Variants in ESRRB observed in about 807,000 individuals in gnomAD.
The protein encoded by ESRRB is steroid hormone receptor ERR2.
A neutral mutation model predicts 46.0 loss-of-function variants in ESRRB; 16 were observed. The ratio of observed to expected loss-of-function variants is 0.35; its 90% CI spans 0.24 to 0.53. The LOEUF is 0.53. Ranked by LOEUF, ESRRB falls within the 20% of genes least tolerant of loss-of-function variation. The pLI is 0.93. For missense variants in ESRRB, 488 were observed against 607.4 expected, an observed-to-expected ratio of 0.80 and a Z score of 2.07; for synonymous variants, 246 against 259.6, an observed-to-expected ratio of 0.95 and a Z score of 0.50.
At chr14:76,453,918 T>C (rs182517818) in intron 2 of ESRRB, among the ~76,000 whole-genome samples, 1 of 152,298 alleles carries the variant, frequency 6.6e-6, no homozygotes, top group East Asian at 1.9e-4. Flanking sequence ...GATTCTTTTT[T>C]CTTTCTTGAC....
At chr14:76,354,974 T>C (rs1884362270) in intron 1 of ESRRB, among the ~76,000 whole-genome samples, 1 of 151,942 alleles carries the variant, frequency 6.6e-6, no homozygotes, top group African/African-American at 2.4e-5. Context: ...GCCTCCCAGA[T>C]TGCTGGGATT....
intron 1 of ESRRB, among the ~76,000 whole-genome samples, chr14:76,404,862 A>G (rs1886108532): frequency 6.6e-6 from 1 of 152,118 alleles, no homozygotes; most frequent in Non-Finnish European, 1.5e-5. Flanking sequence ...AACTATCTCT[A>G]ATGGTCATTC....
intron 3 of ESRRB, among the ~76,000 whole-genome samples, chr14:76,468,398 C>A (rs899657434): frequency 0.01 from 1,102 of 109,446 alleles, 10 homozygotes; most frequent in Middle Eastern, 0.03. Flanking sequence ...CTGCCCCCCC[C>A]CCAACACCAC....
intron 2 of ESRRB, among the ~76,000 whole-genome samples, chr14:76,442,053 A>C (rs950060847): frequency 6.6e-6 from 1 of 152,362 alleles, no homozygotes; most frequent in Middle Eastern, 3.4e-3. Flanking sequence ...ACTTCCACAT[A>C]TGAGTTGAGA....
intron 2 of ESRRB, among the ~76,000 whole-genome samples, chr14:76,456,902 G>A (rs1176450579): frequency 1.3e-5 from 2 of 152,148 alleles, no homozygotes; most frequent in African/African-American, 4.8e-5. Flanking sequence ...GTAAATAAGG[G>A]AGTGGAACTG....
At chr14:76,373,219 T>C (rs1049302606), upstream of ESRRB, among the ~76,000 whole-genome samples, 4 of 152,150 alleles carry the variant, frequency 2.6e-5, no homozygotes, top group African/African-American at 7.2e-5. Context: ...AGGGGTGGCT[T>C]AGAGCTCTTG....
At chr14:76,444,567 G>A (rs1197285163) in intron 2 of ESRRB, among the ~76,000 whole-genome samples, 1 of 151,396 alleles carries the variant, frequency 6.6e-6, no homozygotes, top group Non-Finnish European at 1.5e-5. Context: ...TTTTGTTTTT[G>A]TAGAGATGAG....
intron 1 of ESRRB, among the ~76,000 whole-genome samples, chr14:76,342,920 G>A (rs1255237493): frequency 6.6e-6 from 1 of 152,174 alleles, no homozygotes; most frequent in Non-Finnish European, 1.5e-5. Flanking sequence ...AAAATGGGCA[G>A]GGATCGAGTA....
At chr14:76,460,452 G>A (rs909236748) in intron 2 of ESRRB, among the ~76,000 whole-genome samples, 1 of 152,230 alleles carries the variant, frequency 6.6e-6, no homozygotes, top group Admixed American at 6.5e-5. Context: ...CACACAGTAG[G>A]TGCACAATAA....
intron 2 of ESRRB, among the ~76,000 whole-genome samples, chr14:76,444,271 G>T (rs933057644): frequency 1.3e-5 from 2 of 152,050 alleles, no homozygotes; most frequent in African/African-American, 4.8e-5. Flanking sequence ...GACCTCAAGT[G>T]ATCCTCCCAC....
In ESRRB at chr14:76,412,818, A is replaced by G. The variant is rs570913584; in HGVS notation, c.51-26523A>G. Among the ~76,000 whole-genome samples the G allele has an allele frequency of 3.3e-5, 5 of 152,304 alleles. No homozygotes were observed. In the South Asian group the frequency reaches 1.0e-3, roughly 32 times the overall value. ...GGTGGGTGGGGGAAATAAGGACAGG[A>G]TTGTGAAGCAGAAGGCCCGAGTTGC... On this transcript the variant is annotated intron_variant, in intron 1 of 6. Coordinates refer to ENST00000644823, the MANE Select transcript of ESRRB (RefSeq NM_001379180.1).
At chr14:76,418,692 A>G (rs1886812003) in intron 1 of ESRRB, among the ~76,000 whole-genome samples, 3 of 152,040 alleles carry the variant, frequency 2.0e-5, no homozygotes, top group Admixed American at 6.6e-5. Context: ...TCGGCTCACT[A>G]TAACCTCCCA....
chr14:76,401,016 G>A (rs1303786066), intron 1 of ESRRB, among the ~76,000 whole-genome samples: 1 of 152,190 alleles, frequency 6.6e-6, no homozygotes. Flanking sequence ...TGAGAAGAAG[G>A]GCTCCTTTTG....
chr14:76,416,471 TC>T (rs1886707226), intron 1 of ESRRB, among the ~76,000 whole-genome samples: 1 of 151,924 alleles, frequency 6.6e-6, no homozygotes, highest in Non-Finnish European at 1.5e-5. Context: ...GCTTTTTTGT[TC>T]TTTTCTCTTT....
intron 6 of ESRRB, among the ~76,000 whole-genome samples, chr14:76,495,064 A>G (rs1890369466): frequency 6.7e-6 from 1 of 148,890 alleles, no homozygotes; most frequent in Non-Finnish European, 1.5e-5. Context: ...ACATGCACAT[A>G]CATACACACC....
chr14:76,386,942 AT>A (rs995072242), intron 1 of ESRRB, among the ~76,000 whole-genome samples: 4 of 152,264 alleles, frequency 2.6e-5, no homozygotes, highest in Admixed American at 1.3e-4. Context: ...TCTGTGCCTG[AT>A]GTTTCCCTGA....
intron 1 of ESRRB, among the ~76,000 whole-genome samples, chr14:76,432,234 C>T (rs926544314): frequency 3.9e-5 from 6 of 152,200 alleles, no homozygotes; most frequent in Admixed American, 6.5e-5. Context: ...GGGTAGAGGC[C>T]GGGGGTGCTC....
chr14:76,413,866 A>C (rs553916953), intron 1 of ESRRB, among the ~76,000 whole-genome samples: 217 of 5,146 alleles, frequency 0.042, no homozygotes, highest in African/African-American at 0.054. Context: ...CACCATCCCC[A>C]CCCCTGCACC....
chr14:76,477,170 G>T (rs1269286864), intron 3 of ESRRB, among the ~76,000 whole-genome samples: 1 of 152,222 alleles, frequency 6.6e-6, no homozygotes, highest in Non-Finnish European at 1.5e-5. Flanking sequence ...GGGGTGCACA[G>T]GTCTGTGTCA....
Sources: allele counts gnomAD v4.1 joint callset (sites outside exome capture counted in the v4.1 genomes callset), GRCh38; gene constraint gnomAD v4.1.1; transcripts MANE v1.5; gene names NCBI Gene and HGNC (gene_info 2026-07-23, HGNC 2026-07-21).